The following RIN2 variants were observed in gnomAD, a reference collection of about 807,000 sequenced individuals.
The protein encoded by RIN2 is RAB5 interacting protein 2.
Under a neutral mutation model 78.0 loss-of-function variants are expected in RIN2, and 36 were observed. The observed-to-expected ratio is 0.46, with a 90% CI of 0.35 to 0.61. The LOEUF (loss-of-function observed/expected upper bound fraction) is 0.61, where lower values mean the gene tolerates loss of function less well. Ranked by LOEUF, RIN2 falls within the 20% of genes least tolerant of loss-of-function variation. The pLI is 0.00. For synonymous variants in RIN2, 466 were observed against 466.8 expected (o/e 1.00, Z 0.02); for missense variants, 1,087 against 1,159.7 (o/e 0.94, Z 0.91).
chr20:19,788,474 C>T (rs1440273089), intron 1 of RIN2, among the ~76,000 whole-genome samples: 1 of 138,214 alleles, frequency 7.2e-6, no homozygotes, highest in Non-Finnish European at 1.6e-5. Context: ...TGGTGGCAGG[C>T]ACCTGTAATC....
At chr20:19,836,519 TTACA>T (rs1476044343) in intron 2 of RIN2, among the ~76,000 whole-genome samples, 2 of 152,132 alleles carry the variant, frequency 1.3e-5, no homozygotes, top group African/African-American at 4.8e-5. Context: ...TTAATTGGAA[TTACA>T]TTAAATATTG....
chr20:19,851,599 G>C (rs1334490581), intron 2 of RIN2, among the ~76,000 whole-genome samples: 1 of 152,100 alleles, frequency 6.6e-6, no homozygotes, highest in South Asian at 2.1e-4. Context: ...GGTGTGTGCC[G>C]GTGGTCCCAG....
chr20:19,889,424 T>C (rs941758270), intron 2 of RIN2, 142 bp from the exon 3 acceptor site: 3 of 1,117,678 alleles, frequency 2.7e-6, no homozygotes, highest in Non-Finnish European at 3.6e-6. Context: ...TGAAGGGAGA[T>C]GTAAGGCCTT....
In RIN2 at chr20:19,821,895, T is replaced by C. The variant is rs142679173; in HGVS notation, c.-37+22148T>C. On this transcript the variant is annotated intron_variant, in intron 2 of 12. Coordinates refer to ENST00000255006, the MANE Select transcript of RIN2 (RefSeq NM_018993.4). ...TGTCTGTTATCTCACATTGACTGCC[T>C]GGGACATTATAGATGTTCAGTCATG... 6.2e-3 allele frequency among the ~76,000 whole-genome samples: 948 copies of C among 152,312 alleles called. 3 individuals are homozygous for C. The highest frequency in any genetic ancestry group is 0.01 in the Non-Finnish European group (698 of 68,032).
chr20:19,930,753 C>A (rs892424766), intron 3 of RIN2, among the ~76,000 whole-genome samples: 1 of 152,170 alleles, frequency 6.6e-6, no homozygotes, highest in Admixed American at 6.5e-5. Context: ...CAGACGTACC[C>A]AAACTCCCCT....
Position 19,811,847 on chromosome 20 carries a change from TA to T in RIN2, c.-37+12111del, listed in dbSNP as rs58693993. ...CAATATTTAGAATATGCTCCCATTT[TA>T]AAAAAAAAAAGCTTTGTTTGGGTAT... On this transcript the variant is annotated intron_variant, in intron 2 of 12. Coordinates refer to ENST00000255006, the MANE Select transcript of RIN2 (RefSeq NM_018993.4). Among the ~76,000 whole-genome samples, 810 of 145,304 alleles carry T rather than the reference TA, an allele frequency of 5.6e-3. 6 individuals carry two copies. The highest frequency in any genetic ancestry group is 0.018 in the African/African-American group (723 of 39,764).
chr20:19,819,120 G>T (rs567498244), intron 2 of RIN2, among the ~76,000 whole-genome samples: 2 of 152,334 alleles, frequency 1.3e-5, no homozygotes, highest in South Asian at 4.1e-4. Flanking sequence ...GGATTAGAAG[G>T]TGTCTTAGCT....
intron 2 of RIN2, among the ~76,000 whole-genome samples, chr20:19,825,324 G>T (rs896730622): frequency 2.0e-5 from 3 of 152,138 alleles, no homozygotes; most frequent in African/African-American, 7.2e-5. Flanking sequence ...GTCACCCAGC[G>T]GTCTGAGGCC....
At chr20:19,926,039 C>T (rs1019827336) in intron 3 of RIN2, among the ~76,000 whole-genome samples, 1 of 152,170 alleles carries the variant, frequency 6.6e-6, no homozygotes, top group Non-Finnish European at 1.5e-5. Context: ...ACCAGGGCTT[C>T]GTGTATCAGT....
chr20:19,871,098 C>T (rs968144749), intron 2 of RIN2, among the ~76,000 whole-genome samples: 1 of 152,118 alleles, frequency 6.6e-6, no homozygotes, highest in Non-Finnish European at 1.5e-5. Flanking sequence ...TTGCTGATTA[C>T]CATGGAGAAG....
At position 19,889,580 on chromosome 20, in the gene RIN2, C is replaced by T; in HGVS notation, c.-22C>T. On this transcript the variant is annotated 5_prime_UTR_variant, in exon 3 of 13. Coordinates refer to ENST00000255006, the MANE Select transcript of RIN2 (RefSeq NM_018993.4). ...TCTACCTTCAGGAGTCCCCGGCGTG[C>T]AGTGGAGCCTCGCTGGGGGAAATGA... 6.5e-7 allele frequency: 1 copy of T among 1,549,790 alleles called. No homozygotes were observed. The highest frequency in any genetic ancestry group is 8.7e-7 in the Non-Finnish European group (1 of 1,145,882).
intron 3 of RIN2, among the ~76,000 whole-genome samples, chr20:19,899,487 C>T (rs2038886188): frequency 6.6e-6 from 1 of 152,204 alleles, no homozygotes; most frequent in African/African-American, 2.4e-5. Context: ...ATCTTAGTGA[C>T]TTCAAACCGC....
intron 6 of RIN2, among the ~76,000 whole-genome samples, 166 bp from the exon 7 acceptor site, chr20:19,964,786 G>T (rs905949073): frequency 1.3e-5 from 2 of 152,176 alleles, no homozygotes; most frequent in Non-Finnish European, 2.9e-5. Flanking sequence ...ACTGTTTACC[G>T]GTGGCTGCTG....
intron 2 of RIN2, chr20:19,871,741 A>G (rs1321954606): frequency 6.6e-6 from 1 of 152,188 alleles, no homozygotes; most frequent in Non-Finnish European, 1.5e-5. Context: ...GGTAGAACCA[A>G]TGTACGCATC....
At chr20:19,937,848 G>A (rs2040709816) in intron 4 of RIN2, among the ~76,000 whole-genome samples, 1 of 152,208 alleles carries the variant, frequency 6.6e-6, no homozygotes, top group South Asian at 2.1e-4. Flanking sequence ...AAACCTCTGT[G>A]GTTTCTGTTG....
In RIN2 at chr20:19,869,061, G is replaced by A. The variant is rs187049227; in HGVS notation, c.-36-20505G>A. Reference sequence around the variant, plus strand: ...CACGCCACTGCACTCCAGCCTGGGTGACAGAGCAAGACTCCGTCTCAAAAA... The same window carrying A: ...CACGCCACTGCACTCCAGCCTGGGTAACAGAGCAAGACTCCGTCTCAAAAA... On this transcript the variant is annotated intron_variant, in intron 2 of 12. Coordinates refer to ENST00000255006, the MANE Select transcript of RIN2 (RefSeq NM_018993.4). 3.5e-3 allele frequency among the ~76,000 whole-genome samples: 424 copies of A among 119,566 alleles called. 4 individuals are homozygous for A. The highest frequency in any genetic ancestry group is 0.013 in the African/African-American group (405 of 30,928). 78.4% of individuals were successfully genotyped at this position (119,566 alleles called of 152,430 possible). A position where few individuals can be genotyped will look rare whatever the true frequency, so the allele number is the denominator to read the frequency against.
chr20:19,896,186 TTTTTA>T (rs905300003), intron 3 of RIN2, among the ~76,000 whole-genome samples: 1 of 152,138 alleles, frequency 6.6e-6, no homozygotes, highest in African/African-American at 2.4e-5. Flanking sequence ...ATTTTTTTTA[TTTTTA>T]TTTTTATGTT....
At chr20:19,914,621 G>A (rs1051754801) in intron 3 of RIN2, among the ~76,000 whole-genome samples, 1 of 152,092 alleles carries the variant, frequency 6.6e-6, no homozygotes, top group Non-Finnish European at 1.5e-5. Flanking sequence ...TGGATATACC[G>A]ACCTGGGAAA....
chr20:19,920,443 G>A (rs934061292), intron 3 of RIN2, among the ~76,000 whole-genome samples: 4 of 152,162 alleles, frequency 2.6e-5, no homozygotes, highest in Non-Finnish European at 5.9e-5. Context: ...AGGTCATGGA[G>A]TAATCTAAGG....
Sources: gnomAD v4.1 joint callset for allele counts (sites outside exome capture counted in the v4.1 genomes callset) on GRCh38, gnomAD v4.1.1 for gene constraint, MANE v1.5 for transcripts, NCBI Gene and HGNC (gene_info 2026-07-23, HGNC 2026-07-21) for gene names.